Variants in TRPM3 observed in about 807,000 individuals in gnomAD.
TRPM3 encodes the protein transient receptor potential cation channel subfamily M member 3.
TRPM3 carries 77 observed loss-of-function variants against 181.2 expected under a neutral mutation model. That is an observed-to-expected ratio of 0.42 (90% CI 0.35 to 0.51). The LOEUF is 0.51. Among genes scored for constraint, TRPM3 ranks in the 20% least tolerant of loss-of-function variants. The pLI, the probability that TRPM3 is intolerant of heterozygous loss-of-function variation, is 0.01. For missense variants in TRPM3, 1,759 were observed against 2,196.7 expected (o/e 0.80, Z 3.98); for synonymous variants, 745 against 796.4 (o/e 0.94, Z 1.09).
At chr9:71,158,640 A>G (rs12002276) in intron 1 of TRPM3, among the ~76,000 whole-genome samples, 1 of 152,130 alleles carries the variant, frequency 6.6e-6, no homozygotes, top group Non-Finnish European at 1.5e-5. Flanking sequence ...TAGAATAATA[A>G]TGTCTCTCTT....
intron 8 of TRPM3, among the ~76,000 whole-genome samples, chr9:70,697,472 A>G (rs2070921512): frequency 6.6e-6 from 1 of 152,212 alleles, no homozygotes. Context: ...CTATCACTGA[A>G]TAGTTGAGTT....
chr9:70,842,387 T>C (rs1029470059), intron 5 of TRPM3, among the ~76,000 whole-genome samples: 2 of 149,866 alleles, frequency 1.3e-5, no homozygotes, highest in Admixed American at 6.6e-5. Flanking sequence ...GTATTTTGCA[T>C]TGCATTTTAA....
chr9:71,018,079 T>C (rs1050700312), intron 1 of TRPM3, among the ~76,000 whole-genome samples: 1 of 151,822 alleles, frequency 6.6e-6, no homozygotes, highest in East Asian at 1.9e-4. Context: ...AAATAACCCA[T>C]TGTTCAAATA....
intron 1 of TRPM3, among the ~76,000 whole-genome samples, chr9:71,245,175 A>G (rs2081960617): frequency 6.6e-6 from 1 of 152,072 alleles, no homozygotes; most frequent in South Asian, 2.1e-4. Flanking sequence ...GAGGCTGGGT[A>G]TGGTAGCTCA....
At chr9:70,645,398 A>C (rs1286718142) in intron 9 of TRPM3, among the ~76,000 whole-genome samples, 1 of 152,224 alleles carries the variant, frequency 6.6e-6, no homozygotes, top group Non-Finnish European at 1.5e-5. Context: ...CCTCAGAAAT[A>C]GTGCCACACA....
chr9:70,939,705 G>C (rs189323852), intron 1 of TRPM3, among the ~76,000 whole-genome samples: 1 of 152,320 alleles, frequency 6.6e-6, no homozygotes, highest in Non-Finnish European at 1.5e-5. Flanking sequence ...TTTGAATTGA[G>C]TGCTGAATTA....
intron 19 of TRPM3, among the ~76,000 whole-genome samples, chr9:70,605,020 G>C: frequency 6.8e-6 from 1 of 146,894 alleles, no homozygotes; most frequent in South Asian, 2.2e-4. Flanking sequence ...GCAGTGGTGC[G>C]ATCTCGGCTT....
intron 1 of TRPM3, among the ~76,000 whole-genome samples, chr9:71,147,339 C>T (rs1022500087): frequency 1.3e-5 from 2 of 151,786 alleles, no homozygotes; most frequent in Non-Finnish European, 2.9e-5. Flanking sequence ...ATTTAATGGA[C>T]TTGCTTCTTG....
chr9:70,832,067 T>C (rs1331464290), intron 5 of TRPM3, among the ~76,000 whole-genome samples: 1 of 128,560 alleles, frequency 7.8e-6, no homozygotes, highest in Non-Finnish European at 1.6e-5. Context: ...CCGCATATTC[T>C]CACTCATAGG....
At chr9:70,788,936 C>T (rs953374385) in intron 6 of TRPM3, among the ~76,000 whole-genome samples, 16 of 152,274 alleles carry the variant, frequency 1.1e-4, no homozygotes, top group Admixed American at 9.2e-4. Flanking sequence ...TGAAGCTTCG[C>T]TCACTTGCCA....
chr9:71,288,439 A>C (rs1434765782), intron 1 of TRPM3, among the ~76,000 whole-genome samples: 3 of 152,170 alleles, frequency 2.0e-5, no homozygotes, highest in Non-Finnish European at 4.4e-5. Flanking sequence ...AAACAGACAA[A>C]GTTCATCTGA....
At chr9:71,349,968 C>CATATATATATATATATAT (rs758622802) in intron 1 of TRPM3, among the ~76,000 whole-genome samples, 1 of 67,910 alleles carries the variant, frequency 1.5e-5, no homozygotes, top group African/African-American at 5.1e-5. Context: ...ATTGTAAGTG[C>CATATATATATATATATAT]ATATATATAT....
intron 1 of TRPM3, among the ~76,000 whole-genome samples, chr9:71,377,010 C>T (rs889929161): frequency 2.0e-5 from 3 of 152,054 alleles, no homozygotes; most frequent in African/African-American, 7.2e-5. Context: ...TATTACATAG[C>T]TGCCACGTGC....
At chr9:71,171,637 GAAATAT>G (rs2076863453) in intron 1 of TRPM3, among the ~76,000 whole-genome samples, 1 of 152,126 alleles carries the variant, frequency 6.6e-6, no homozygotes, top group Non-Finnish European at 1.5e-5. Context: ...TTAAGGGATA[GAAATAT>G]AAATAGAAAC....
chr9:71,194,370 C>T (rs979290879), intron 1 of TRPM3, among the ~76,000 whole-genome samples: 4 of 151,902 alleles, frequency 2.6e-5, no homozygotes, highest in African/African-American at 7.2e-5. Flanking sequence ...AGCTAGACTA[C>T]GTTTCCTAAC....
At position 70,553,249 on chromosome 9, in the gene TRPM3, C is replaced by A. The variant is rs1200653646; in HGVS notation, c.3285G>T (p.Lys1095Asn). 5 of 1,614,128 alleles carry A rather than the reference C, an allele frequency of 3.1e-6. No individual in the cohort carries two copies. The highest frequency in any genetic ancestry group is 4.2e-6 in the Non-Finnish European group (5 of 1,180,034). ...DGKIIQLPPC[K>N]TGAWIVPAIM... ...TGGCCGGCACGATCCAAGCTCCTGT[C>A]TTGCAGGGAGGCAGCTGGATTATTT... The change falls in exon 23 of 26, where the codon AAG (lysine) becomes AAT (asparagine). Residue 1095 changes from lysine (K) to asparagine (N), a missense_variant. Coordinates refer to ENST00000677713, the MANE Select transcript of TRPM3 (RefSeq NM_001366145.2).
At chr9:70,590,919 G>A (rs1247861684) in intron 22 of TRPM3, 112 bp downstream of exon 22, 1 of 1,422,624 alleles carries the variant, frequency 7.0e-7, no homozygotes, top group Non-Finnish European at 9.8e-7. Flanking sequence ...CTAGGAATCA[G>A]TCCTCTATCT....
intron 22 of TRPM3, among the ~76,000 whole-genome samples, chr9:70,564,571 A>G (rs925004516): frequency 1.3e-5 from 2 of 152,176 alleles, no homozygotes; most frequent in African/African-American, 4.8e-5. Flanking sequence ...TAGAGTATTC[A>G]AAGAGGGAAG....
chr9:70,587,750 T>A (rs1382432945), intron 22 of TRPM3, among the ~76,000 whole-genome samples: 1 of 152,230 alleles, frequency 6.6e-6, no homozygotes, highest in Non-Finnish European at 1.5e-5. Flanking sequence ...AGGGCCTAAG[T>A]TGTTTCATGG....
Sources: gnomAD v4.1 joint callset for allele counts (sites outside exome capture counted in the v4.1 genomes callset) on GRCh38, gnomAD v4.1.1 for gene constraint, MANE v1.5 for transcripts, NCBI Gene and HGNC (gene_info 2026-07-23, HGNC 2026-07-21) for gene names.